The following REPS2 variants were observed in gnomAD, a reference collection of about 807,000 sequenced individuals.
REPS2 encodes the protein RALBP1 associated Eps domain containing 2.
REPS2 carries 23 observed loss-of-function variants against 53.6 expected under a neutral mutation model. That is an observed-to-expected ratio of 0.43 (90% confidence interval 0.31 to 0.61). REPS2 has a LOEUF of 0.61. Among genes scored for constraint, REPS2 ranks in the 20% least tolerant of loss-of-function variants. The pLI is 0.11. For synonymous variants in REPS2, 238 were observed against 218.6 expected, an observed-to-expected ratio of 1.09 and a Z score of -0.78; for missense variants, 446 against 534.9, an observed-to-expected ratio of 0.83 and a Z score of 1.64.
intron 1 of REPS2, among the ~76,000 whole-genome samples, chrX:16,995,660 T>C (rs2061225712): frequency 8.9e-6 from 1 of 111,797 alleles, no homozygotes; most frequent in African/African-American, 3.3e-5. Flanking sequence ...TTGTGTTCAA[T>C]TCTCTCTCAG....
At chrX:17,170,971 TAGAC>T in the REPS2 span, among the ~76,000 whole-genome samples, 1 of 112,940 alleles carries the variant, frequency 8.9e-6, no homozygotes, top group East Asian at 2.8e-4. Flanking sequence ...AGGTCTGTCT[TAGAC>T]AGGGAAAACT....
At chrX:16,989,411 G>A (rs893024768) in intron 1 of REPS2, among the ~76,000 whole-genome samples, 1 of 111,346 alleles carries the variant, frequency 9.0e-6, no homozygotes, top group Admixed American at 9.5e-5. Context: ...GACACCAAAG[G>A]TATGATCCAT....
intron 13 of REPS2, among the ~76,000 whole-genome samples, chrX:17,093,553 C>T (rs1453137907): frequency 9.1e-6 from 1 of 110,218 alleles, no homozygotes; most frequent in Non-Finnish European, 1.9e-5. Flanking sequence ...GGAGAATGCA[C>T]TCTGCTGCAG....
chrX:17,098,492 A>T (rs2062738445), intron 13 of REPS2, among the ~76,000 whole-genome samples: 1 of 112,210 alleles, frequency 8.9e-6, no homozygotes, highest in Non-Finnish European at 1.9e-5. Context: ...GCCTAAAAAG[A>T]TTTTACAATG....
intron 5 of REPS2, among the ~76,000 whole-genome samples, chrX:17,030,342 T>TGTGC (rs1491290254): frequency 5.9e-5 from 6 of 101,592 alleles, no homozygotes; most frequent in Admixed American, 4.2e-4. Flanking sequence ...TGTGTGTGTG[T>TGTGC]GCACGCGCGG....
chrX:16,947,092 C>T lies in REPS2; in HGVS notation c.231C>T (p.Asp77=). 1 of 1,098,481 alleles carries T rather than the reference C, an allele frequency of 9.1e-7. No homozygotes were observed. Among genetic ancestry groups the T allele is most frequent in the Non-Finnish European group, 1.2e-6 (1 of 845,515 alleles). 90.5% of individuals were successfully genotyped at this position (1,098,481 alleles called of 1,213,427 possible). A position where few individuals can be genotyped will look rare whatever the true frequency, so the allele number is the denominator to read the frequency against. The change falls in exon 1 of 18, where the codon GAC becomes GAT. Residue 77 remains aspartate (D), a synonymous_variant. Coordinates refer to ENST00000357277, the MANE Select transcript of REPS2 (RefSeq NM_004726.3). ...CTGCGGCCGCCGGCCCCGTGGCTGA[C>T]CTGTTTCGGGCATCGCAGCTGCCCG... ...TATAAAGPVA[D]LFRASQLPAE...
intron 5 of REPS2, among the ~76,000 whole-genome samples, chrX:17,033,353 A>G (rs1450080444): frequency 9.0e-6 from 1 of 111,010 alleles, no homozygotes; most frequent in African/African-American, 3.3e-5. Flanking sequence ...TGCTGGGCCT[A>G]CTTCTCACTC....
chrX:17,181,824 G>C, the REPS2 span, among the ~76,000 whole-genome samples: 1 of 112,042 alleles, frequency 8.9e-6, no homozygotes, highest in Non-Finnish European at 1.9e-5. Flanking sequence ...AATTCAAGTA[G>C]GGCCTGTGAC....
intron 5 of REPS2, among the ~76,000 whole-genome samples, chrX:17,032,350 T>C (rs2061718444): frequency 8.9e-6 from 1 of 112,092 alleles, no homozygotes; most frequent in Non-Finnish European, 1.9e-5. Context: ...TGACTTCGAA[T>C]GGATTTAACA....
chrX:17,048,158 T>C (rs1243525450), intron 6 of REPS2, among the ~76,000 whole-genome samples: 1 of 112,763 alleles, frequency 8.9e-6, no homozygotes. Context: ...TTTTAGACTT[T>C]AAAATTTGAA....
At chrX:17,004,146 T>C (rs1388973378) in intron 1 of REPS2, among the ~76,000 whole-genome samples, 1 of 111,642 alleles carries the variant, frequency 9.0e-6, no homozygotes, top group Non-Finnish European at 1.9e-5. Flanking sequence ...TGTTACAGGT[T>C]TGGAGTTTAG....
chrX:17,170,456 G>A, the REPS2 span, among the ~76,000 whole-genome samples: 1 of 112,457 alleles, frequency 8.9e-6, no homozygotes, highest in Non-Finnish European at 1.9e-5. Context: ...ACTTGCTCTA[G>A]CATTTCAAGA....
chrX:17,138,694 G>T (rs1267090842), intron 16 of REPS2, 162 bp from the exon 17 acceptor site: 4 of 319,066 alleles, frequency 1.3e-5, no homozygotes, highest in Non-Finnish European at 2.2e-5. Context: ...GTTTCATTTG[G>T]TGTCTATCTT....
At chrX:17,103,872 T>A in intron 14 of REPS2, 93 bp downstream of exon 14, 1 of 839,364 alleles carries the variant, frequency 1.2e-6, no homozygotes, top group Middle Eastern at 2.8e-4. Context: ...GCCACAGATC[T>A]GGTCCATGAG....
chrX:17,189,750 T>G, the REPS2 span, among the ~76,000 whole-genome samples: 1 of 111,007 alleles, frequency 9.0e-6, no homozygotes, highest in African/African-American at 3.3e-5. Flanking sequence ...ATTAGTGCCC[T>G]TCACAAAATA....
intron 8 of REPS2, among the ~76,000 whole-genome samples, chrX:17,061,092 A>G (rs1287242875): frequency 8.9e-6 from 1 of 111,771 alleles, no homozygotes; most frequent in African/African-American, 3.3e-5. Flanking sequence ...ATAAAGCATC[A>G]GTCATATAAT....
chrX:16,986,211 GC>G (rs1390862125), intron 1 of REPS2, among the ~76,000 whole-genome samples: 2 of 111,899 alleles, frequency 1.8e-5, no homozygotes, highest in East Asian at 5.6e-4. Context: ...GGCTCTGTCA[GC>G]TCACGAGTGT....
At chrX:17,108,720 A>G (rs2062914952) in intron 14 of REPS2, among the ~76,000 whole-genome samples, 1 of 111,172 alleles carries the variant, frequency 9.0e-6, no homozygotes, top group African/African-American at 3.3e-5. Context: ...GAATTTTCCT[A>G]TTTCTGCCAC....
chrX:17,090,566 C>T (rs2062601579), intron 13 of REPS2, among the ~76,000 whole-genome samples: 1 of 111,948 alleles, frequency 8.9e-6, no homozygotes, highest in Non-Finnish European at 1.9e-5. Flanking sequence ...AAATCATGCT[C>T]ATTAAAAAAT....
Sources: gnomAD v4.1 joint callset for allele counts (sites outside exome capture counted in the v4.1 genomes callset) on GRCh38, gnomAD v4.1.1 for gene constraint, MANE v1.5 for transcripts, NCBI Gene and HGNC (gene_info 2026-07-23, HGNC 2026-07-21) for gene names.